JAK1: variants seen among roughly 807,000 people sequenced by gnomAD.
JAK1 encodes Janus kinase 1, also known as tyrosine-protein kinase JAK1.
A neutral mutation model predicts 136.6 loss-of-function variants in JAK1; 16 were observed. The ratio of observed to expected loss-of-function variants is 0.12; its 90% CI spans 0.08 to 0.18. The LOEUF (loss-of-function observed/expected upper bound fraction) is 0.18. Among genes scored for constraint, JAK1 ranks in the 10% least tolerant of loss-of-function variants. JAK1 has a pLI of 1.00. For synonymous variants in JAK1, 492 were observed against 519.5 expected, an observed-to-expected ratio of 0.95 and a Z score of 0.72; for missense variants, 859 against 1,450.1, an observed-to-expected ratio of 0.59 and a Z score of 6.62.
intron 1 of JAK1, among the ~76,000 whole-genome samples, chr1:64,933,275 T>A (rs931987993): frequency 6.6e-6 from 1 of 152,234 alleles, no homozygotes; most frequent in Admixed American, 6.5e-5. Flanking sequence ...ACAAGGCTCC[T>A]ACCCCCGTTT....
chr1:65,004,125 G>GA (rs1443520250), intron 2 of JAK1: 1 of 152,170 alleles, frequency 6.6e-6, no homozygotes, highest in African/African-American at 2.4e-5. Context: ...TATTTTAGTA[G>GA]AGACGGGGTT....
intron 2 of JAK1, among the ~76,000 whole-genome samples, chr1:65,027,184 C>A (rs1646985528): frequency 6.6e-6 from 1 of 151,520 alleles, no homozygotes; most frequent in African/African-American, 2.4e-5. Context: ...GTAACTGGGA[C>A]TACAGGTGCA....
At position 64,844,033 on chromosome 1, in the gene JAK1, T is replaced by A; in HGVS notation, c.2403+31A>T. 6.2e-7 allele frequency: 1 copy of A among 1,612,138 alleles called. No individual in the cohort carries two copies. Among genetic ancestry groups the A allele is most frequent in the Non-Finnish European group, 8.5e-7 (1 of 1,179,280 alleles). The stretch of plus-strand genomic sequence containing the variant: ...CCCACGAGCACCTGAAAGCCCTCAC[T>A]TGCCTCACGCCCCGGGAAACACCTG... On this transcript the variant is annotated intron_variant, in intron 17 of 24. Transcript: ENST00000342505. This position sits in a 1 kb window ranked among gnomAD's most constrained non-coding sequence, Gnocchi z 5.7.
At chr1:65,029,040 A>G (rs940570860) in intron 2 of JAK1, among the ~76,000 whole-genome samples, 3 of 152,216 alleles carry the variant, frequency 2.0e-5, no homozygotes, top group Non-Finnish European at 4.4e-5. Context: ...AAGGCTCAAT[A>G]TCAGTTACCC....
intron 1 of JAK1, among the ~76,000 whole-genome samples, chr1:64,956,034 A>G (rs1372375233): frequency 6.6e-6 from 1 of 152,266 alleles, no homozygotes; most frequent in African/African-American, 2.4e-5. Context: ...TGAAAATAGA[A>G]ATGTCAGTGT....
At chr1:64,851,305 T>C (rs310215) in intron 11 of JAK1, among the ~76,000 whole-genome samples, 54,539 of 152,076 alleles carry the variant, frequency 0.36, 11,824 homozygotes, top group African/African-American at 0.62. Flanking sequence ...CTTCTCCACC[T>C]CCACAGCCCG....
At chr1:64,985,294 G>A in intron 2 of JAK1, 1 of 1,609,970 alleles carries the variant, frequency 6.2e-7, no homozygotes, top group Non-Finnish European at 8.5e-7. Flanking sequence ...ATGATGGGCT[G>A]TCGGTAGCTG....
chr1:64,857,846 TC>T, intron 9 of JAK1, 67 bp from the exon 10 acceptor site: 1 of 1,585,016 alleles, frequency 6.3e-7, no homozygotes, highest in Non-Finnish European at 8.6e-7. Flanking sequence ...CTCTGGGCTA[TC>T]CACTCTCCTG....
chr1:64,886,001 C>T (rs949973738), intron 2 of JAK1, among the ~76,000 whole-genome samples: 45 of 152,086 alleles, frequency 3.0e-4, no homozygotes, highest in African/African-American at 1.1e-3. Flanking sequence ...TCTAGAAGAA[C>T]GTACAATAAA....
chr1:65,055,747 C>T (rs1647503326), intron 1 of JAK1, among the ~76,000 whole-genome samples: 1 of 152,272 alleles, frequency 6.6e-6, no homozygotes, highest in East Asian at 1.9e-4. Flanking sequence ...CCTCCAGGTC[C>T]AGGCAAGCTT....
intron 2 of JAK1, among the ~76,000 whole-genome samples, chr1:65,005,912 A>C (rs1646800255): frequency 6.6e-6 from 1 of 151,854 alleles, no homozygotes; most frequent in Non-Finnish European, 1.5e-5. Context: ...TTGCCATTCC[A>C]GATATTAAAA....
intron 2 of JAK1, among the ~76,000 whole-genome samples, chr1:65,024,949 C>A (rs983959335): frequency 1.3e-5 from 2 of 152,142 alleles, no homozygotes; most frequent in Admixed American, 1.3e-4. Flanking sequence ...TGCACTCTAG[C>A]CTGGACAACA....
intron 1 of JAK1, among the ~76,000 whole-genome samples, chr1:64,938,280 T>G (rs955915868): frequency 6.6e-6 from 1 of 152,202 alleles, no homozygotes; most frequent in Non-Finnish European, 1.5e-5. Flanking sequence ...TGATGAAACC[T>G]TTTAGATGTA....
At chr1:64,939,814 AAAAT>A (rs1342048551) in intron 1 of JAK1, among the ~76,000 whole-genome samples, 5 of 152,200 alleles carry the variant, frequency 3.3e-5, no homozygotes, top group Non-Finnish European at 7.3e-5. Context: ...AACCAGAAAC[AAAAT>A]AAGAGAATAA....
chr1:64,835,232 C>T (rs574208491), intron 24 of JAK1, among the ~76,000 whole-genome samples, 164 bp downstream of exon 24: 2 of 152,266 alleles, frequency 1.3e-5, no homozygotes, highest in African/African-American at 2.4e-5. Flanking sequence ...GCCCCAAAGG[C>T]GATTTCTCAG....
chr1:65,000,091 A>G (rs993344176), intron 2 of JAK1, among the ~76,000 whole-genome samples: 2 of 151,664 alleles, frequency 1.3e-5, no homozygotes, highest in African/African-American at 4.8e-5. Flanking sequence ...CCCTGGTTCA[A>G]GCGATTCTCC....
chr1:64,844,838 C>T lies in JAK1; in HGVS notation c.2167G>A (p.Ala723Thr), dbSNP rs2100995565. The part of the protein sequence containing the change: ...GNVCTKNLLL[A>T]REGIDSECGP... ...CACTCACTGTCGATGCCCTCACGGG[C>T]CAGGAGGAGGTTTTTAGTACACACA... Residue 723 changes from alanine to threonine, a missense_variant, in exon 16 of 25, where the codon GCC becomes ACC. Transcript: ENST00000342505. This position sits in a 1 kb window ranked among gnomAD's most constrained non-coding sequence, Gnocchi z 5.7. 1 of 1,614,180 alleles carries T rather than the reference C, an allele frequency of 6.2e-7. No homozygotes were observed. Among genetic ancestry groups the T allele is most frequent in the South Asian group, 1.1e-5 (1 of 91,086 alleles).
chr1:64,928,787 A>AAAAAAAAAAAAAAAAAAC (rs1645631562), intron 1 of JAK1, among the ~76,000 whole-genome samples: 1 of 92,604 alleles, frequency 1.1e-5, no homozygotes, highest in Non-Finnish European at 1.9e-5. Flanking sequence ...GCAAAAAAAA[A>AAAAAAAAAAAAAAAAAAC]AAAAAAAAAC....
chr1:65,010,019 G>A (rs1426236762), intron 2 of JAK1, among the ~76,000 whole-genome samples: 1 of 152,194 alleles, frequency 6.6e-6, no homozygotes, highest in Non-Finnish European at 1.5e-5. Flanking sequence ...ACTCCATCAT[G>A]CAAGGAATCC....
Sources: allele counts gnomAD v4.1 joint callset (sites outside exome capture counted in the v4.1 genomes callset), GRCh38; gene constraint gnomAD v4.1.1; non-coding constraint Gnocchi (gnomAD v3.1); transcripts MANE v1.5; gene names NCBI Gene and HGNC (gene_info 2026-07-23, HGNC 2026-07-21).